The following KIAA1328 variants were observed in gnomAD, a reference collection of about 807,000 sequenced individuals.
The protein encoded by KIAA1328 is protein hinderin.
In KIAA1328, 52 loss-of-function variants were observed where a neutral mutation model predicts 68.1. The observed-to-expected ratio is 0.76, with a 90% CI of 0.61 to 0.96. The LOEUF (loss-of-function observed/expected upper bound fraction) is 0.96, where lower values mean the gene tolerates loss of function less well. KIAA1328 is among the 40% of genes least tolerant of loss of function. The pLI, the probability that KIAA1328 is intolerant of heterozygous loss-of-function variation, is 0.00. For missense variants in KIAA1328, 641 were observed against 677.6 expected (o/e 0.95, Z 0.60); for synonymous variants, 232 against 239.4 (o/e 0.97, Z 0.28).
At chr18:37,148,568 T>G (rs1469555212) in intron 7 of KIAA1328, among the ~76,000 whole-genome samples, 3 of 152,246 alleles carry the variant, frequency 2.0e-5, no homozygotes, top group Non-Finnish European at 4.4e-5. Flanking sequence ...ATGGTTGAAC[T>G]AATTTACATT....
chr18:37,196,382 T>C (rs1446580596), intron 9 of KIAA1328, among the ~76,000 whole-genome samples: 1 of 152,182 alleles, frequency 6.6e-6, no homozygotes, highest in Non-Finnish European at 1.5e-5. Context: ...TGGAAAAGCT[T>C]TCAGTTTTTC....
intron 8 of KIAA1328, among the ~76,000 whole-genome samples, chr18:37,168,813 T>C (rs1463170009): frequency 6.6e-6 from 1 of 152,142 alleles, no homozygotes; most frequent in Non-Finnish European, 1.5e-5. Flanking sequence ...TTTCTTGAGC[T>C]GGGAATGGGT....
At chr18:37,187,226 C>T (rs2059820602) in intron 9 of KIAA1328, among the ~76,000 whole-genome samples, 1 of 151,570 alleles carries the variant, frequency 6.6e-6, no homozygotes, top group South Asian at 2.1e-4. Context: ...AATAAATGAT[C>T]AACTTGGCTG....
chr18:37,023,180 G>A (rs1329235315), intron 6 of KIAA1328, among the ~76,000 whole-genome samples: 1 of 152,132 alleles, frequency 6.6e-6, no homozygotes, highest in Non-Finnish European at 1.5e-5. Context: ...ACAGGCATGA[G>A]CCACCACACT....
intron 5 of KIAA1328, among the ~76,000 whole-genome samples, chr18:36,929,694 A>G (rs2050244304): frequency 6.6e-6 from 1 of 152,080 alleles, no homozygotes; most frequent in Admixed American, 6.5e-5. Flanking sequence ...TCCTTATAAA[A>G]GAGGCTCCAG....
Position 37,094,669 on chromosome 18 carries a change from A to G in KIAA1328, c.1232+27124A>G, listed in dbSNP as rs1374051985. Among the ~76,000 whole-genome samples, 3 of 152,370 alleles carry G rather than the reference A, an allele frequency of 2.0e-5. No individual in the cohort carries two copies. The East Asian group carries it at 5.8e-4, about 29-fold the overall frequency. ...ATAACAAAAAAGAAAGAGAAGAACAAATGATATACAAAACAACCAGAAAAG... is the reference window on the plus strand; with the variant it reads ...ATAACAAAAAAGAAAGAGAAGAACAGATGATATACAAAACAACCAGAAAAG... On this transcript the variant is annotated intron_variant, in intron 7 of 9. Transcript: ENST00000280020.
chr18:37,088,339 A>G (rs2057166136), intron 7 of KIAA1328, among the ~76,000 whole-genome samples: 1 of 152,190 alleles, frequency 6.6e-6, no homozygotes, highest in Non-Finnish European at 1.5e-5. Flanking sequence ...TCAATCAGTC[A>G]TGTAAATTAG....
At chr18:36,996,138 A>G (rs1041160773) in intron 6 of KIAA1328, among the ~76,000 whole-genome samples, 2 of 152,214 alleles carry the variant, frequency 1.3e-5, no homozygotes, top group African/African-American at 2.4e-5. Context: ...CACACTCCTC[A>G]AACCTGACTC....
chr18:37,084,497 C>T (rs1399908799), intron 7 of KIAA1328: 21 of 186,202 alleles, frequency 1.1e-4, no homozygotes, highest in African/African-American at 4.0e-4. Flanking sequence ...TTTTTTGGTG[C>T]GGTATTATAG....
chr18:36,912,974 C>T (rs551566892), intron 5 of KIAA1328, among the ~76,000 whole-genome samples: 1 of 152,224 alleles, frequency 6.6e-6, no homozygotes, highest in East Asian at 1.9e-4. Flanking sequence ...ATTTCATAAT[C>T]CAGCCTGGGA....
chr18:36,968,446 A>G (rs2052033648), intron 6 of KIAA1328, among the ~76,000 whole-genome samples: 1 of 152,244 alleles, frequency 6.6e-6, no homozygotes, highest in South Asian at 2.1e-4. Flanking sequence ...AATAAAAAAC[A>G]GAAAAAAGTA....
At chr18:37,048,240 C>T (rs899478106) in intron 6 of KIAA1328, among the ~76,000 whole-genome samples, 4 of 152,150 alleles carry the variant, frequency 2.6e-5, no homozygotes, top group African/African-American at 4.8e-5. Context: ...CATTGGATAA[C>T]GACATTAACT....
chr18:37,167,199 TA>T (rs2059406551), intron 8 of KIAA1328, among the ~76,000 whole-genome samples: 1 of 152,112 alleles, frequency 6.6e-6, no homozygotes, highest in African/African-American at 2.4e-5. Context: ...TGGCAGTGTC[TA>T]GGGGTAGATG....
chr18:36,906,418 A>G (rs1482010752), intron 5 of KIAA1328, among the ~76,000 whole-genome samples: 1 of 152,160 alleles, frequency 6.6e-6, no homozygotes, highest in African/African-American at 2.4e-5. Context: ...CCTTTTGCAG[A>G]ATGCTATATA....
At chr18:37,152,273 A>G (rs531849743) in intron 7 of KIAA1328, among the ~76,000 whole-genome samples, 22 of 152,252 alleles carry the variant, frequency 1.4e-4, no homozygotes, top group Admixed American at 7.8e-4. Context: ...AAAAGTAACG[A>G]GACAAAGGTA....
At chr18:37,108,280 A>G (rs189150894) in intron 7 of KIAA1328, among the ~76,000 whole-genome samples, 4 of 152,160 alleles carry the variant, frequency 2.6e-5, no homozygotes, top group Admixed American at 2.0e-4. Flanking sequence ...AGAAAACCAA[A>G]TACTGCATGT....
At chr18:37,217,840 C>T (rs989194593) in intron 9 of KIAA1328, among the ~76,000 whole-genome samples, 7 of 152,202 alleles carry the variant, frequency 4.6e-5, no homozygotes, top group African/African-American at 1.7e-4. Flanking sequence ...CACATAGTCT[C>T]ATATTTCTTG....
intron 6 of KIAA1328, among the ~76,000 whole-genome samples, chr18:36,975,292 C>T (rs1028046697): frequency 2.0e-5 from 3 of 150,764 alleles, no homozygotes; most frequent in African/African-American, 7.3e-5. Flanking sequence ...ACGCCATTCT[C>T]CTGCCTCAGC....
chr18:36,845,019 T>C (rs1200324532), intron 4 of KIAA1328, among the ~76,000 whole-genome samples: 1 of 151,808 alleles, frequency 6.6e-6, no homozygotes, highest in Non-Finnish European at 1.5e-5. Flanking sequence ...ATTAGGTATG[T>C]TTTGAACAAA....
Sources: allele counts gnomAD v4.1 joint callset (sites outside exome capture counted in the v4.1 genomes callset), GRCh38; gene constraint gnomAD v4.1.1; transcripts MANE v1.5; gene names NCBI Gene and HGNC (gene_info 2026-07-23, HGNC 2026-07-21).